CCDC85A: variants seen among roughly 807,000 people sequenced by gnomAD.
The protein encoded by CCDC85A is coiled-coil domain containing 85A.
Under a neutral mutation model 50.2 loss-of-function variants are expected in CCDC85A, and 38 were observed. The observed-to-expected ratio is 0.76, with a 90% CI of 0.58 to 0.99. CCDC85A has a LOEUF of 0.99. Among genes scored for constraint, CCDC85A ranks in the 50% least tolerant of loss-of-function variants. CCDC85A has a pLI of 0.00. For missense variants in CCDC85A, 820 were observed against 742.0 expected, an observed-to-expected ratio of 1.11 and a Z score of -1.22; for synonymous variants, 366 against 301.4, an observed-to-expected ratio of 1.21 and a Z score of -2.22.
chr2:56,289,553 A>T (rs1212321606), intron 2 of CCDC85A, among the ~76,000 whole-genome samples: 1 of 152,110 alleles, frequency 6.6e-6, no homozygotes, highest in Non-Finnish European at 1.5e-5. Context: ...GAGTCTATGT[A>T]GTTTAGTATG....
At chr2:56,382,733 A>G (rs1006304974) in intron 5 of CCDC85A, among the ~76,000 whole-genome samples, 1 of 151,992 alleles carries the variant, frequency 6.6e-6, no homozygotes, top group African/African-American at 2.4e-5. Flanking sequence ...ACATAGTTAC[A>G]TCTGGGTTAA....
intron 2 of CCDC85A, among the ~76,000 whole-genome samples, chr2:56,284,375 C>T (rs570485930): frequency 1.3e-5 from 2 of 152,092 alleles, no homozygotes; most frequent in East Asian, 1.9e-4. Flanking sequence ...ACGTTCAAAT[C>T]TTCTTATTTT....
Position 56,384,629 on chromosome 2 carries a change from A to G in CCDC85A, c.*274A>G, listed in dbSNP as rs1263591526. ...TAGCTTTGAAAATCAACATTTTGGT[A>G]CCAGTGTTTTCATTAGAAATAAGTG... On this transcript the variant is annotated 3_prime_UTR_variant, in exon 6 of 6. Transcript: ENST00000407595. The G allele has an allele frequency of 6.0e-6, 2 of 330,978 alleles. No homozygotes were observed. Among genetic ancestry groups the G allele is most frequent in the Non-Finnish European group, 1.1e-5 (2 of 176,444 alleles). The allele number at this position is 330,978 out of a possible 1,614,324, so 20.5% of individuals were successfully genotyped here.
At chr2:56,287,771 TCA>T (rs1460308194) in intron 2 of CCDC85A, among the ~76,000 whole-genome samples, 1 of 152,212 alleles carries the variant, frequency 6.6e-6, no homozygotes, top group Non-Finnish European at 1.5e-5. Context: ...CTTCCTCTTT[TCA>T]CAGTTTGCCT....
chr2:56,360,737 A>G (rs1675482228), intron 3 of CCDC85A, among the ~76,000 whole-genome samples: 1 of 152,200 alleles, frequency 6.6e-6, no homozygotes, highest in Non-Finnish European at 1.5e-5. Flanking sequence ...TTGTGGTCAA[A>G]GTTTGTATGG....
intron 2 of CCDC85A, among the ~76,000 whole-genome samples, chr2:56,275,368 C>T (rs1402227076): frequency 6.6e-6 from 1 of 152,096 alleles, no homozygotes; most frequent in African/African-American, 2.4e-5. Flanking sequence ...TACAGTAGCT[C>T]AGTATAGCTA....
intron 2 of CCDC85A, among the ~76,000 whole-genome samples, chr2:56,322,157 G>T (rs564271207): frequency 1.3e-5 from 2 of 152,290 alleles, no homozygotes; most frequent in South Asian, 4.1e-4. Context: ...ATGGATTAAA[G>T]ACTTAAATGT....
At chr2:56,280,963 A>G (rs1671180992) in intron 2 of CCDC85A, among the ~76,000 whole-genome samples, 1 of 152,194 alleles carries the variant, frequency 6.6e-6, no homozygotes, top group African/African-American at 2.4e-5. Flanking sequence ...AATTTTAAAC[A>G]AAGTGAAATA....
At chr2:56,377,939 A>G (rs1485230269) in intron 5 of CCDC85A, among the ~76,000 whole-genome samples, 1 of 151,988 alleles carries the variant, frequency 6.6e-6, no homozygotes, top group Non-Finnish European at 1.5e-5. Context: ...ATTTTATGTT[A>G]TATTCAGTAC....
intron 2 of CCDC85A, among the ~76,000 whole-genome samples, chr2:56,319,109 T>A (rs1673048749): frequency 6.6e-6 from 1 of 152,074 alleles, no homozygotes; most frequent in Non-Finnish European, 1.5e-5. Context: ...AAAACTGTAG[T>A]TAGCACTAGA....
chr2:56,257,974 TC>T (rs1427763016), intron 2 of CCDC85A, among the ~76,000 whole-genome samples: 1 of 152,246 alleles, frequency 6.6e-6, no homozygotes, highest in Middle Eastern at 3.2e-3. Flanking sequence ...TAAGGGCTGT[TC>T]TTTAATCAGC....
chr2:56,309,323 T>G (rs1672586900), intron 2 of CCDC85A, among the ~76,000 whole-genome samples: 1 of 152,202 alleles, frequency 6.6e-6, no homozygotes, highest in Non-Finnish European at 1.5e-5. Flanking sequence ...GTAGCAGTTT[T>G]GCAGATGTGT....
intron 2 of CCDC85A, among the ~76,000 whole-genome samples, chr2:56,293,442 C>T (rs1159068217): frequency 1.3e-5 from 2 of 152,100 alleles, no homozygotes; most frequent in African/African-American, 4.8e-5. Context: ...GCAAAAACAT[C>T]AAAAGCAATT....
At chr2:56,259,714 T>C (rs1670140751) in intron 2 of CCDC85A, among the ~76,000 whole-genome samples, 1 of 152,196 alleles carries the variant, frequency 6.6e-6, no homozygotes, top group African/African-American at 2.4e-5. Context: ...GAGCCTATTC[T>C]CCAAGGACTA....
chr2:56,241,066 C>T (rs1168849404), intron 2 of CCDC85A, among the ~76,000 whole-genome samples: 5 of 152,082 alleles, frequency 3.3e-5, no homozygotes, highest in Non-Finnish European at 7.4e-5. Context: ...GGTGGTACCT[C>T]ATTGTGGTTT....
At position 56,266,584 on chromosome 2, in the gene CCDC85A, C is replaced by CT. The variant is rs370966149; in HGVS notation, c.1240+73144_1240+73145insT. Among the ~76,000 whole-genome samples the CT allele has an allele frequency of 2.2e-4, 29 of 131,754 alleles. 3 individuals carry two copies. In the East Asian group the frequency reaches 4.3e-3, roughly 20 times the overall value. 86.4% of individuals were successfully genotyped at this position (131,754 alleles called of 152,430 possible). On this transcript the variant is annotated intron_variant, in intron 2 of 5. Coordinates refer to ENST00000407595, the MANE Select transcript of CCDC85A (RefSeq NM_001080433.2). ...TGTCAATTAACAATAACGCGCCCCC[C>CT]CCCCCCATAATCTTCTTCCTCCAAA...
At chr2:56,359,267 T>C (rs559108441) in intron 3 of CCDC85A, among the ~76,000 whole-genome samples, 2 of 152,280 alleles carry the variant, frequency 1.3e-5, no homozygotes, top group Admixed American at 1.3e-4. Flanking sequence ...AGGCAAGGTA[T>C]TTTTTTCTAA....
At chr2:56,315,912 G>C (rs1672901011) in intron 2 of CCDC85A, among the ~76,000 whole-genome samples, 1 of 152,102 alleles carries the variant, frequency 6.6e-6, no homozygotes, top group Non-Finnish European at 1.5e-5. Flanking sequence ...GGACCTGTGA[G>C]AATGAATGTA....
chr2:56,276,941 C>A (rs770558199), intron 2 of CCDC85A, among the ~76,000 whole-genome samples: 32 of 152,154 alleles, frequency 2.1e-4, no homozygotes, highest in African/African-American at 7.7e-4. Flanking sequence ...CCAGTGCTAA[C>A]TAAGGACACT....
Sources: allele counts gnomAD v4.1 joint callset (sites outside exome capture counted in the v4.1 genomes callset), GRCh38; gene constraint gnomAD v4.1.1; transcripts MANE v1.5; gene names NCBI Gene and HGNC (gene_info 2026-07-23, HGNC 2026-07-21).